PUDP: variants seen among roughly 807,000 people sequenced by gnomAD.
PUDP encodes pseudouridine-5'-phosphatase.
A neutral mutation model predicts 9.4 loss-of-function variants in PUDP; 8 were observed. The observed-to-expected ratio is 0.85, with a 90% confidence interval of 0.50 to 1.53. The LOEUF is 1.53. PUDP is among the 40% of genes most tolerant of loss of function. The pLI, the probability that PUDP is intolerant of heterozygous loss-of-function variation, is 0.00. For synonymous variants in PUDP, 99 were observed against 80.7 expected, an observed-to-expected ratio of 1.23 and a Z score of -1.22; for missense variants, 188 against 189.7, an observed-to-expected ratio of 0.99 and a Z score of 0.05.
intron 3 of PUDP, among the ~76,000 whole-genome samples, chrX:7,050,738 G>A (rs996877580): frequency 3.6e-5 from 4 of 112,176 alleles, no homozygotes; most frequent in Admixed American, 9.4e-5. Context: ...TGTGTGGTGA[G>A]GCAAGATTCT....
chrX:6,969,082 C>T (rs1172499641), intron 3 of PUDP, among the ~76,000 whole-genome samples: 1 of 112,386 alleles, frequency 8.9e-6, no homozygotes, highest in Non-Finnish European at 1.9e-5. Context: ...GACATGGCCC[C>T]ACAGACAGGG....
At chrX:6,873,535 T>C (rs1464527361) in intron 3 of PUDP, among the ~76,000 whole-genome samples, 1 of 111,983 alleles carries the variant, frequency 8.9e-6, no homozygotes, top group Non-Finnish European at 1.9e-5. Context: ...ATTTTGTTTT[T>C]ACAGAGTAAG....
chrX:6,983,124 C>T (rs926987328), intron 1 of PUDP, among the ~76,000 whole-genome samples: 5 of 112,029 alleles, frequency 4.5e-5, no homozygotes. Context: ...TGCCCGCTGC[C>T]TAGACATAGG....
chrX:6,902,936 T>C (rs1927713112), intron 3 of PUDP, among the ~76,000 whole-genome samples: 1 of 111,924 alleles, frequency 8.9e-6, no homozygotes, highest in Non-Finnish European at 1.9e-5. Context: ...AATTCATTTT[T>C]TTCTTTAAAA....
intron 3 of PUDP, among the ~76,000 whole-genome samples, chrX:6,833,581 GA>G (rs1944948463): frequency 1.8e-5 from 2 of 111,920 alleles, no homozygotes; most frequent in South Asian, 7.6e-4. Flanking sequence ...GTGAATGGAT[GA>G]ATGGTTGGAT....
chrX:7,078,642 T>C lies in PUDP; in HGVS notation c.281-1193A>G, dbSNP rs752816709. Among the ~76,000 whole-genome samples the C allele has an allele frequency of 8.0e-5, 9 of 112,366 alleles. No individual in the cohort carries two copies. In the South Asian group the frequency reaches 3.3e-3, roughly 41 times the overall value. ...AATCATGCCTATTTTAATAATGTCA[T>C]GATTTAATGTCCCTACTTTGTCAAT... On this transcript the variant is annotated intron_variant, in intron 2 of 3. Transcript: ENST00000381077.
At chrX:7,014,290 G>A (rs1335346906) in intron 1 of PUDP, among the ~76,000 whole-genome samples, 6 of 109,952 alleles carry the variant, frequency 5.5e-5, no homozygotes, top group African/African-American at 2.0e-4. Context: ...TTAGGGCCGC[G>A]GGTCTCCAGG....
intron 3 of PUDP, among the ~76,000 whole-genome samples, chrX:6,840,153 T>C (rs932792041): frequency 1.6e-4 from 18 of 111,661 alleles, no homozygotes; most frequent in African/African-American, 4.9e-4. Flanking sequence ...TCATGAGATC[T>C]GATGGTTTTA....
intron 1 of PUDP, among the ~76,000 whole-genome samples, chrX:7,006,109 T>G (rs1159177852): frequency 8.9e-6 from 1 of 112,389 alleles, no homozygotes; most frequent in Non-Finnish European, 1.9e-5. Flanking sequence ...CCTTCACTTT[T>G]TGGCTATTGT....
rs377245383 is a variant in PUDP, at chrX:7,077,439, T to A, written c.291A>T (p.Lys97Asn). The part of the protein sequence containing the change: ...PTAALMPGAE[K>N]LIIHLRKHGI... ...CATGTTTCCGCAGGTGGATGATGAGTTTCTCCGCCCCTGGGGAGGAGGAGG... is the reference window on the plus strand; with the variant it reads ...CATGTTTCCGCAGGTGGATGATGAGATTCTCCGCCCCTGGGGAGGAGGAGG... The change falls in exon 3 of 4, where the codon AAA becomes AAT. Residue 97 changes from lysine (K) to asparagine (N), a missense_variant. By Grantham distance (94) the Lys-to-Asn change is moderately conservative (BLOSUM62 0). Transcript: ENST00000381077. 54 of 1,205,744 alleles carry A rather than the reference T, an allele frequency of 4.5e-5. No individual in the cohort carries two copies. Among genetic ancestry groups the A allele is most frequent in the Non-Finnish European group, 5.8e-5 (52 of 892,483 alleles).
At chrX:6,947,815 TAAAA>T (rs1928492330) in intron 3 of PUDP, among the ~76,000 whole-genome samples, 1 of 96,667 alleles carries the variant, frequency 1.0e-5, no homozygotes, top group South Asian at 4.9e-4. Context: ...AATAAATAAA[TAAAA>T]ATAAAGCTGT....
intron 3 of PUDP, among the ~76,000 whole-genome samples, chrX:6,919,598 G>A (rs768085076): frequency 9.1e-6 from 1 of 110,090 alleles, no homozygotes; most frequent in Non-Finnish European, 1.9e-5. Flanking sequence ...ACAAAGACCC[G>A]TAGGTTTCTG....
intron 3 of PUDP, among the ~76,000 whole-genome samples, chrX:6,970,497 G>C (rs1049630063): frequency 1.8e-5 from 2 of 111,393 alleles, no homozygotes; most frequent in African/African-American, 6.5e-5. Context: ...TCTGGGGTAG[G>C]ACCTGGCGGT....
intron 3 of PUDP, among the ~76,000 whole-genome samples, chrX:6,889,325 C>T (rs746622347): frequency 1.8e-5 from 2 of 111,390 alleles, no homozygotes; most frequent in Non-Finnish European, 3.8e-5. Flanking sequence ...CTTTATCTTG[C>T]TTTTTATTTT....
intron 3 of PUDP, among the ~76,000 whole-genome samples, chrX:6,769,934 C>T (rs767949152): frequency 8.9e-6 from 1 of 112,631 alleles, no homozygotes; most frequent in South Asian, 3.7e-4. Flanking sequence ...TGCAAGCAGT[C>T]TGTTCTGCAG....
intron 1 of PUDP, among the ~76,000 whole-genome samples, chrX:6,980,710 C>T (rs188876686): frequency 3.6e-5 from 4 of 110,080 alleles, no homozygotes; most frequent in South Asian, 3.9e-4. Flanking sequence ...GTACTGAACA[C>T]GTATGTCCTT....
chrX:6,903,643 A>T (rs1927723900), intron 3 of PUDP, among the ~76,000 whole-genome samples: 1 of 111,473 alleles, frequency 9.0e-6, no homozygotes, highest in Non-Finnish European at 1.9e-5. Flanking sequence ...TTACGGCAAC[A>T]TGGATGCAGC....
intron 3 of PUDP, among the ~76,000 whole-genome samples, chrX:6,813,782 T>G (rs2146702324): frequency 9.0e-6 from 1 of 111,563 alleles, no homozygotes; most frequent in East Asian, 2.8e-4. Flanking sequence ...TTCAGCAGAT[T>G]CAGCCCAGCA....
chrX:6,974,359 T>C (rs1928922215), intron 3 of PUDP, among the ~76,000 whole-genome samples: 1 of 112,163 alleles, frequency 8.9e-6, no homozygotes, highest in African/African-American at 3.2e-5. Flanking sequence ...TGGTTTTTCC[T>C]TTCCATATTT....
Sources: gnomAD v4.1 joint callset for allele counts (sites outside exome capture counted in the v4.1 genomes callset) on GRCh38, gnomAD v4.1.1 for gene constraint, MANE v1.5 for transcripts, NCBI Gene and HGNC (gene_info 2026-07-23, HGNC 2026-07-21) for gene names.